PKD1L1: variants seen among roughly 807,000 people sequenced by gnomAD.
PKD1L1 encodes the protein polycystin 1 like 1, transient receptor potential channel interacting.
In PKD1L1, 236 loss-of-function variants were observed where a neutral mutation model predicts 323.4. The observed-to-expected ratio is 0.73, with a 90% CI of 0.66 to 0.81. PKD1L1 has a LOEUF of 0.81. Among genes scored for constraint, PKD1L1 ranks in the 40% least tolerant of loss-of-function variants. PKD1L1 has a pLI of 0.00. For synonymous variants in PKD1L1, 1,344 were observed against 1,335.0 expected, an observed-to-expected ratio of 1.01 and a Z score of -0.15; for missense variants, 3,320 against 3,508.0, an observed-to-expected ratio of 0.95 and a Z score of 1.35.
chr7:47,881,888 G>A, intron 20 of PKD1L1, 21 bp downstream of exon 20: 3 of 1,572,080 alleles, frequency 1.9e-6, no homozygotes, highest in Non-Finnish European at 1.7e-6. Flanking sequence ...AAATTGGAGG[G>A]TACAAAGAGG....
At chr7:47,834,190 A>AGGTCTTGCATTGATCTTTTCCTGTGTC in intron 40 of PKD1L1, 149 bp downstream of exon 40, 1 of 795,062 alleles carries the variant, frequency 1.3e-6, no homozygotes, top group Non-Finnish European at 2.0e-6. Context: ...CCAGCACAAC[A>AGGTCTTGCATTGATCTTTTCCTGTGTC]GGTCTTGCAT....
intron 21 of PKD1L1, among the ~76,000 whole-genome samples, chr7:47,880,251 T>TAGATAGATAGATAGATAGATAGATAG (rs1562970365): frequency 6.0e-5 from 6 of 99,912 alleles, no homozygotes; most frequent in African/African-American, 3.2e-4. Context: ...AAATAAGATA[T>TAGATAGATAGATAGATAGATAGATAG]ATATATATAT....
In PKD1L1 at chr7:47,905,056, C is replaced by T; in HGVS notation, c.1691+101G>A. The T allele has an allele frequency of 3.8e-6, 5 of 1,311,552 alleles. No individual in the cohort carries two copies. In the South Asian group the frequency reaches 7.3e-5, roughly 19 times the overall value. 81.2% of individuals were successfully genotyped at this position (1,311,552 alleles called of 1,614,324 possible). A position where few individuals can be genotyped will look rare whatever the true frequency, so the allele number is the denominator to read the frequency against. ...CTAGTGGCCCATTATAATACAAATGCAACAGCCATAAAATGCCTTCGGTAG... is the reference window on the plus strand; with the variant it reads ...CTAGTGGCCCATTATAATACAAATGTAACAGCCATAAAATGCCTTCGGTAG... On this transcript the variant is annotated intron_variant, in intron 11 of 56. Transcript: ENST00000289672.
intron 4 of PKD1L1, among the ~76,000 whole-genome samples, chr7:47,936,025 T>C (rs752121895): frequency 1.3e-5 from 2 of 152,254 alleles, no homozygotes; most frequent in Non-Finnish European, 2.9e-5. Context: ...GTTCTTTATA[T>C]GCTTAAATGT....
chr7:47,788,305 T>C (rs1327530478), intron 56 of PKD1L1, among the ~76,000 whole-genome samples: 1 of 150,354 alleles, frequency 6.7e-6, no homozygotes, highest in Admixed American at 6.6e-5. Flanking sequence ...TTTATTCATA[T>C]ATTTTTATTT....
At chr7:47,861,182 G>A (rs1226895498) in intron 26 of PKD1L1, among the ~76,000 whole-genome samples, 1 of 152,110 alleles carries the variant, frequency 6.6e-6, no homozygotes, top group Non-Finnish European at 1.5e-5. Context: ...GGGATTTCAG[G>A]GTTATCTGTT....
At chr7:47,860,376 G>A (rs1055051359) in intron 26 of PKD1L1, among the ~76,000 whole-genome samples, 1 of 152,190 alleles carries the variant, frequency 6.6e-6, no homozygotes, top group Admixed American at 6.5e-5. Context: ...AAAAGACACA[G>A]ACTAATCTTT....
At chr7:47,845,136 T>C in intron 32 of PKD1L1, 58 bp from the exon 33 acceptor site, 1 of 1,360,950 alleles carries the variant, frequency 7.3e-7, no homozygotes. Context: ...CTGTTGACAG[T>C]GTAATGGCAT....
intron 33 of PKD1L1, among the ~76,000 whole-genome samples, chr7:47,843,426 G>A (rs973788079): frequency 6.6e-6 from 1 of 152,198 alleles, no homozygotes; most frequent in African/African-American, 2.4e-5. Context: ...GTGCTAGGTG[G>A]CTGTGCCATG....
chr7:47,792,287 G>A (rs1057352409), intron 56 of PKD1L1, among the ~76,000 whole-genome samples: 1 of 151,678 alleles, frequency 6.6e-6, no homozygotes, highest in East Asian at 1.9e-4. Context: ...GAGATTACTG[G>A]TCACATTCTG....
At chr7:47,855,123 G>A (rs555160637) in intron 29 of PKD1L1, 32 bp downstream of exon 29, 2 of 1,610,770 alleles carry the variant, frequency 1.2e-6, no homozygotes, top group Middle Eastern at 1.7e-4. Flanking sequence ...CAGCCTAAAT[G>A]AAGTAGAGAT....
At chr7:47,808,157 C>A in intron 52 of PKD1L1, 90 bp downstream of exon 52, 1 of 1,485,098 alleles carries the variant, frequency 6.7e-7, no homozygotes, top group Non-Finnish European at 9.2e-7. Context: ...TCTGTTGTCT[C>A]GCACCTTCTA....
intron 7 of PKD1L1, among the ~76,000 whole-genome samples, chr7:47,923,141 G>T (rs1212079615): frequency 1.3e-5 from 2 of 151,954 alleles, no homozygotes; most frequent in Non-Finnish European, 1.5e-5. Flanking sequence ...CAGCATACTC[G>T]TTAAGAGTCG....
intron 18 of PKD1L1, among the ~76,000 whole-genome samples, chr7:47,884,946 G>A (rs748981936): frequency 3.9e-5 from 6 of 152,110 alleles, no homozygotes; most frequent in Non-Finnish European, 5.9e-5. Context: ...CTCACATATG[G>A]GTCTCTGCCA....
At chr7:47,875,746 G>A (rs1786390219) in intron 23 of PKD1L1, among the ~76,000 whole-genome samples, 1 of 151,990 alleles carries the variant, frequency 6.6e-6, no homozygotes, top group African/African-American at 2.4e-5. Context: ...CCTTGATTTG[G>A]TTTCATCTAT....
chr7:47,798,991 C>T (rs1003123808), intron 54 of PKD1L1, among the ~76,000 whole-genome samples: 5 of 152,128 alleles, frequency 3.3e-5, no homozygotes, highest in Admixed American at 6.5e-5. Flanking sequence ...ATCACATATC[C>T]AATTTAAAAA....
At chr7:47,780,490 G>A (rs1487409074) in intron 56 of PKD1L1, among the ~76,000 whole-genome samples, 1 of 152,104 alleles carries the variant, frequency 6.6e-6, no homozygotes, top group Non-Finnish European at 1.5e-5. Context: ...AAATTAGCCA[G>A]GCGTGGTGGT....
chr7:47,932,323 T>C (rs983075546), intron 4 of PKD1L1, among the ~76,000 whole-genome samples: 12 of 152,206 alleles, frequency 7.9e-5, no homozygotes, highest in African/African-American at 1.9e-4. Flanking sequence ...CTAAAATCCA[T>C]GGCCACTGCT....
At chr7:47,873,420 G>A (rs1173522648) in intron 24 of PKD1L1, among the ~76,000 whole-genome samples, 1 of 151,948 alleles carries the variant, frequency 6.6e-6, no homozygotes, top group East Asian at 1.9e-4. Flanking sequence ...AGACCGAGGC[G>A]GGTGGATCAC....
Sources: allele counts gnomAD v4.1 joint callset (sites outside exome capture counted in the v4.1 genomes callset), GRCh38; gene constraint gnomAD v4.1.1; transcripts MANE v1.5; gene names NCBI Gene and HGNC (gene_info 2026-07-23, HGNC 2026-07-21).